ALK: variants seen among roughly 807,000 people sequenced by gnomAD.
ALK encodes the protein ALK receptor tyrosine kinase.
In ALK, 74 loss-of-function variants were observed where a neutral mutation model predicts 163.1. The observed-to-expected ratio is 0.45, with a 90% CI of 0.38 to 0.55. ALK has a LOEUF of 0.55. Among genes scored for constraint, ALK ranks in the 20% least tolerant of loss-of-function variants. The probability of loss-of-function intolerance (pLI) is 0.00; values close to 1 mark genes in which losing one functional copy is unlikely to be tolerated. For synonymous variants in ALK, 960 were observed against 843.2 expected, an observed-to-expected ratio of 1.14 and a Z score of -2.40; for missense variants, 2,063 against 2,105.3, an observed-to-expected ratio of 0.98 and a Z score of 0.39.
intron 1 of ALK, among the ~76,000 whole-genome samples, chr2:29,739,240 T>TAAAAAAAAAAAAAAA (rs57381961): frequency 2.5e-5 from 1 of 40,298 alleles, no homozygotes; most frequent in African/African-American, 1.0e-4. Context: ...CAGTCTCTCT[T>TAAAAAAAAAAAAAAA]AAAAAAAAAA....
intron 5 of ALK, among the ~76,000 whole-genome samples, chr2:29,335,777 C>T (rs2148265741): frequency 6.6e-6 from 1 of 152,300 alleles, no homozygotes; most frequent in South Asian, 2.1e-4. Context: ...CCGTGGCTTA[C>T]ACCTGTAATC....
At chr2:29,297,699 T>G (rs1250583708) in intron 8 of ALK, among the ~76,000 whole-genome samples, 1 of 152,244 alleles carries the variant, frequency 6.6e-6, no homozygotes, top group African/African-American at 2.4e-5. Flanking sequence ...AAGTTACAAC[T>G]GTGTTTTTCA....
chr2:29,228,708 C>T (rs891694902), intron 16 of ALK, among the ~76,000 whole-genome samples, 176 bp downstream of exon 16: 5 of 149,112 alleles, frequency 3.4e-5, no homozygotes, highest in East Asian at 4.1e-4. Flanking sequence ...GGTGCTGGCT[C>T]GAAAGCCAGC....
intron 1 of ALK, among the ~76,000 whole-genome samples, chr2:29,770,550 A>G (rs1214286545): frequency 6.6e-6 from 1 of 152,250 alleles, no homozygotes; most frequent in African/African-American, 2.4e-5. Context: ...AAGCAACCAA[A>G]TAAGAATTAT....
In ALK at chr2:29,567,391, C is replaced by A. The variant is rs139733389; in HGVS notation, c.953-35275G>T. On this transcript the variant is annotated intron_variant, in intron 3 of 28. Coordinates refer to ENST00000389048, the MANE Select transcript of ALK (RefSeq NM_004304.5). ...CCAGTGTTTTCCATCTCATTCCAGT[C>A]GCTCATAAATGGGCAGGGGTCAAGT... 1.2e-4 allele frequency among the ~76,000 whole-genome samples: 18 copies of A among 152,304 alleles called. No homozygotes were observed. In the East Asian group the frequency reaches 3.1e-3, roughly 26 times the overall value.
chr2:29,586,103 A>G (rs1674880030), intron 3 of ALK, among the ~76,000 whole-genome samples: 1 of 152,128 alleles, frequency 6.6e-6, no homozygotes, highest in Non-Finnish European at 1.5e-5. Context: ...GTAGTAGAGA[A>G]TGGTTTGTTT....
intron 4 of ALK, among the ~76,000 whole-genome samples, chr2:29,528,018 T>C (rs1238823765): frequency 6.6e-6 from 1 of 152,230 alleles, no homozygotes; most frequent in South Asian, 2.1e-4. Flanking sequence ...TGAGGCTTAT[T>C]TGTGCTTTAA....
chr2:29,422,691 G>A (rs778904004), intron 4 of ALK, among the ~76,000 whole-genome samples: 9 of 152,190 alleles, frequency 5.9e-5, no homozygotes, highest in Non-Finnish European at 8.8e-5. Context: ...AAGAAATGCC[G>A]GTGACATCTC....
intron 5 of ALK, among the ~76,000 whole-genome samples, chr2:29,341,771 T>C (rs1406262873): frequency 6.6e-6 from 1 of 152,198 alleles, no homozygotes; most frequent in Non-Finnish European, 1.5e-5. Flanking sequence ...TTTGGTGTTA[T>C]CAAATTTGAT....
chr2:29,831,738 C>T (rs189182862), intron 1 of ALK, among the ~76,000 whole-genome samples: 7 of 152,202 alleles, frequency 4.6e-5, no homozygotes, highest in South Asian at 4.1e-4. Context: ...TGCTAAATGA[C>T]GATATACATA....
At chr2:29,806,993 G>A (rs1664634911) in intron 1 of ALK, among the ~76,000 whole-genome samples, 1 of 152,212 alleles carries the variant, frequency 6.6e-6, no homozygotes, top group African/African-American at 2.4e-5. Context: ...CATAATTAAA[G>A]AGATCTTAGA....
intron 3 of ALK, among the ~76,000 whole-genome samples, chr2:29,536,182 G>A (rs1573437904): frequency 6.6e-6 from 1 of 152,278 alleles, no homozygotes; most frequent in South Asian, 2.1e-4. Flanking sequence ...GGTTGTGTTT[G>A]TTCCTCCAAA....
chr2:29,345,402 C>T (rs1045310869), intron 5 of ALK, among the ~76,000 whole-genome samples: 12 of 150,478 alleles, frequency 8.0e-5, no homozygotes, highest in African/African-American at 2.9e-4. Context: ...GAGTGTGAGA[C>T]CCTGTCTTAA....
At position 29,193,113 on chromosome 2, in the gene ALK, G is replaced by A. The variant is rs74669215; in HGVS notation, c.*111C>T. ...TTTTGGTGGTACTTCAAAATAGGTT[G>A]GCACAAAACAAAACGTGACATTTGG... is the stretch of plus-strand genomic sequence containing the variant. On this transcript the variant is annotated 3_prime_UTR_variant, in exon 29 of 29. Coordinates refer to ENST00000389048, the MANE Select transcript of ALK (RefSeq NM_004304.5). The A allele has an allele frequency of 3.5e-3, 4,271 of 1,226,316 alleles. 112 individuals carry two copies. In the African/African-American group the frequency reaches 0.057, roughly 16 times the overall value. 76.0% of individuals were successfully genotyped at this position (1,226,316 alleles called of 1,614,324 possible). A position where few individuals can be genotyped will look rare whatever the true frequency, so the allele number is the denominator to read the frequency against.
intron 1 of ALK, among the ~76,000 whole-genome samples, chr2:29,772,046 G>A (rs1047925441): frequency 3.9e-5 from 6 of 152,146 alleles, no homozygotes; most frequent in Non-Finnish European, 5.9e-5. Context: ...GAGAATTCCC[G>A]AGATGAGGCA....
intron 11 of ALK, among the ~76,000 whole-genome samples, chr2:29,266,382 G>C (rs932930064): frequency 1.3e-5 from 2 of 152,142 alleles, no homozygotes; most frequent in African/African-American, 4.8e-5. Flanking sequence ...ACACAAAAGT[G>C]TGCACAACTC....
intron 11 of ALK, among the ~76,000 whole-genome samples, chr2:29,267,102 C>G (rs889526920): frequency 4.6e-5 from 7 of 151,908 alleles, no homozygotes; most frequent in African/African-American, 1.5e-4. Context: ...CTCTCTCTCC[C>G]CACCCCACCC....
intron 3 of ALK, among the ~76,000 whole-genome samples, chr2:29,585,067 C>G (rs1674840763): frequency 6.6e-6 from 1 of 152,088 alleles, no homozygotes; most frequent in African/African-American, 2.4e-5. Context: ...TAAGGACATT[C>G]TAAGGTTCAT....
chr2:29,697,523 A>T (rs971233549), intron 2 of ALK, among the ~76,000 whole-genome samples: 2 of 152,120 alleles, frequency 1.3e-5, no homozygotes, highest in Non-Finnish European at 2.9e-5. Flanking sequence ...TGGCTGAAGA[A>T]CTTTGCCATG....
Sources: gnomAD v4.1 joint callset for allele counts (sites outside exome capture counted in the v4.1 genomes callset) on GRCh38, gnomAD v4.1.1 for gene constraint, MANE v1.5 for transcripts, NCBI Gene and HGNC (gene_info 2026-07-23, HGNC 2026-07-21) for gene names.